Variants in SV2C observed in about 807,000 individuals in gnomAD.
SV2C encodes solute carrier family 22 member B3.
SV2C carries 49 observed loss-of-function variants against 79.7 expected under a neutral mutation model. That is an observed-to-expected ratio of 0.61 (90% confidence interval 0.49 to 0.78). The LOEUF (loss-of-function observed/expected upper bound fraction) is 0.78, where lower values mean the gene tolerates loss of function less well. Among genes scored for constraint, SV2C ranks in the 30% least tolerant of loss-of-function variants. The pLI, the probability that SV2C is intolerant of heterozygous loss-of-function variation, is 0.00. For missense variants in SV2C, 833 were observed against 912.9 expected, an observed-to-expected ratio of 0.91 and a Z score of 1.13; for synonymous variants, 334 against 333.2, an observed-to-expected ratio of 1.00 and a Z score of -0.03.
rs1463504078 is a variant in SV2C, at chr5:76,331,234, G to C, written c.*5687G>C. On this transcript the variant is annotated 3_prime_UTR_variant, in exon 13 of 13. Transcript: ENST00000502798. ...CAGGAGCTAGGGGGTCTGTTCCCCA[G>C]CGAATAGTGTTGGGGTTTTCTCTTC... 1 of 152,270 alleles carries C rather than the reference G, an allele frequency of 6.6e-6. No individual in the cohort carries two copies. The highest frequency in any genetic ancestry group is 2.4e-5 in the African/African-American group (1 of 41,442). 9.4% of individuals were successfully genotyped at this position (152,270 alleles called of 1,614,324 possible). A position where few individuals can be genotyped will look rare whatever the true frequency, so the allele number is the denominator to read the frequency against.
chr5:76,275,486 C>CA (rs113061927), intron 4 of SV2C, among the ~76,000 whole-genome samples: 24,771 of 117,788 alleles, frequency 0.21, 3,273 homozygotes, highest in African/African-American at 0.41. Context: ...AAGTCTGTCT[C>CA]AAAAAAAAAA....
At chr5:75,961,733 C>G in the SV2C span, among the ~76,000 whole-genome samples, 1 of 151,890 alleles carries the variant, frequency 6.6e-6, no homozygotes, top group Non-Finnish European at 1.5e-5. Flanking sequence ...AATTTTCACA[C>G]ATATTACATT....
intron 1 of SV2C, among the ~76,000 whole-genome samples, chr5:76,092,745 C>A (rs1338676293): frequency 6.6e-6 from 1 of 152,020 alleles, no homozygotes; most frequent in Non-Finnish European, 1.5e-5. Context: ...TGGGAATGTT[C>A]TCCCTCCTAC....
At chr5:76,232,110 A>T (rs1049663986) in intron 4 of SV2C, among the ~76,000 whole-genome samples, 26 of 149,590 alleles carry the variant, frequency 1.7e-4, no homozygotes, top group Middle Eastern at 6.8e-3. Flanking sequence ...TTGTTTCCTC[A>T]CTTTTTAATG....
chr5:76,119,670 G>A (rs1282061293), intron 1 of SV2C, among the ~76,000 whole-genome samples: 1 of 151,686 alleles, frequency 6.6e-6, no homozygotes, highest in Non-Finnish European at 1.5e-5. Flanking sequence ...TGACCCCATG[G>A]GGCTCTGGCA....
At chr5:76,121,440 GC>G (rs1356048017) in intron 1 of SV2C, among the ~76,000 whole-genome samples, 2 of 151,232 alleles carry the variant, frequency 1.3e-5, no homozygotes, top group Non-Finnish European at 2.9e-5. Context: ...TGAAGTCCTT[GC>G]CCATGCCTAT....
At chr5:75,952,276 T>G in the SV2C span, among the ~76,000 whole-genome samples, 3 of 138,736 alleles carry the variant, frequency 2.2e-5, no homozygotes, top group African/African-American at 5.0e-5. Context: ...CCTTCCTTCC[T>G]TCCTTCCTTC....
At chr5:75,869,383 C>G in the SV2C span, among the ~76,000 whole-genome samples, 1 of 152,102 alleles carries the variant, frequency 6.6e-6, no homozygotes, top group East Asian at 1.9e-4. Flanking sequence ...TCCCGGTGGG[C>G]CTGTGGTGGT....
At chr5:76,222,447 G>A (rs1002277841) in intron 4 of SV2C, among the ~76,000 whole-genome samples, 1 of 151,984 alleles carries the variant, frequency 6.6e-6, no homozygotes, top group African/African-American at 2.4e-5. Context: ...CAGAGGTTTG[G>A]GATGATTGGG....
At chr5:76,212,999 T>C (rs1744808825) in intron 4 of SV2C, among the ~76,000 whole-genome samples, 1 of 152,166 alleles carries the variant, frequency 6.6e-6, no homozygotes. Flanking sequence ...TCATAAACAA[T>C]GCATGAAAAG....
At chr5:75,985,456 A>G in the SV2C span, among the ~76,000 whole-genome samples, 2 of 152,050 alleles carry the variant, frequency 1.3e-5, no homozygotes, top group Non-Finnish European at 2.9e-5. Flanking sequence ...AGAATCAACC[A>G]TCACACCCAA....
Position 76,088,112 on chromosome 5 carries a change from CCTT to C in SV2C, c.-102+4603_-102+4605del, listed in dbSNP as rs1747257871. On this transcript the variant is annotated intron_variant, in intron 1 of 12. Coordinates refer to ENST00000502798, the MANE Select transcript of SV2C (RefSeq NM_014979.4). ...CCCAGCAACCTTCAATCATCAGTCTCCTTCTGCAACCTGCCCCCGCTTACCTCT... is the reference window on the plus strand; with the variant it reads ...CCCAGCAACCTTCAATCATCAGTCTCCTGCAACCTGCCCCCGCTTACCTCT... 2.0e-5 allele frequency among the ~76,000 whole-genome samples: 3 copies of C among 152,316 alleles called. No homozygotes were observed. In the South Asian group the frequency reaches 6.2e-4, roughly 32 times the overall value.
chr5:75,872,462 A>T, the SV2C span, among the ~76,000 whole-genome samples: 1 of 152,190 alleles, frequency 6.6e-6, no homozygotes. Flanking sequence ...CATAGCGGTG[A>T]AAGAATACAA....
intron 4 of SV2C, among the ~76,000 whole-genome samples, chr5:76,279,021 C>G (rs1490834933): frequency 5.9e-5 from 9 of 152,058 alleles, no homozygotes; most frequent in Admixed American, 3.9e-4. Context: ...GATTTTAGAG[C>G]TGGAACTTAC....
intron 12 of SV2C, among the ~76,000 whole-genome samples, chr5:76,351,059 G>A (rs1580095049): frequency 6.6e-6 from 1 of 151,884 alleles, no homozygotes; most frequent in South Asian, 2.1e-4. Context: ...GCACAAAACA[G>A]GATGATGCAT....
chr5:76,241,892 G>T, intron 4 of SV2C: 1 of 627,052 alleles, frequency 1.6e-6, no homozygotes, highest in Admixed American at 2.6e-5. Flanking sequence ...TGTTCTATGT[G>T]CTAACAACAT....
upstream of SV2C, chr5:76,078,673 C>T: frequency 2.2e-6 from 1 of 460,436 alleles, no homozygotes; most frequent in Non-Finnish European, 4.3e-6. Context: ...ACTGTCACAG[C>T]AGCATGGCAC....
At chr5:76,200,299 A>G (rs1208193966) in intron 3 of SV2C, among the ~76,000 whole-genome samples, 2 of 152,266 alleles carry the variant, frequency 1.3e-5, no homozygotes, top group African/African-American at 4.8e-5. Flanking sequence ...TAATTGGTAC[A>G]GGGCCTGTCC....
At chr5:76,051,461 A>G in the SV2C span, among the ~76,000 whole-genome samples, 10 of 152,330 alleles carry the variant, frequency 6.6e-5, no homozygotes, top group East Asian at 1.9e-3. Flanking sequence ...AAACTTAATC[A>G]ACAAAAATAT....
Sources: allele counts gnomAD v4.1 joint callset (sites outside exome capture counted in the v4.1 genomes callset), GRCh38; gene constraint gnomAD v4.1.1; transcripts MANE v1.5; gene names NCBI Gene and HGNC (gene_info 2026-07-23, HGNC 2026-07-21).